Variants in DLGAP2 observed in about 807,000 individuals in gnomAD.
DLGAP2 encodes the protein disks large-associated protein 2.
A neutral mutation model predicts 100.3 loss-of-function variants in DLGAP2; 26 were observed. That is an observed-to-expected ratio of 0.26 (90% CI 0.19 to 0.36). The LOEUF (loss-of-function observed/expected upper bound fraction) is 0.36, where lower values mean the gene tolerates loss of function less well. Ranked by LOEUF, DLGAP2 falls within the 10% of genes least tolerant of loss-of-function variation. The probability of loss-of-function intolerance (pLI) is 1.00; values close to 1 mark genes in which losing one functional copy is unlikely to be tolerated. For missense variants in DLGAP2, 1,858 were observed against 1,453.2 expected (o/e 1.28, Z -4.53); for synonymous variants, 886 against 630.1 (o/e 1.41, Z -6.08).
chr8:778,943 G>A (rs943084590), intron 1 of DLGAP2, among the ~76,000 whole-genome samples: 8 of 152,192 alleles, frequency 5.3e-5, no homozygotes, highest in South Asian at 2.1e-4. Context: ...CCCCAGCCTC[G>A]CTGCCACCTT....
rs373765890 is a variant in DLGAP2, at chr8:1,646,509, C to T, written c.1810+13463C>T. 2.6e-5 allele frequency among the ~76,000 whole-genome samples: 4 copies of T among 152,234 alleles called. No individual in the cohort carries two copies. The East Asian group carries it at 7.7e-4, about 29-fold the overall frequency. ...TGAAAAGCCCCAACTAATATCATAC[C>T]CTTAAAGGGTATTTTTTCAGGTTCT... On this transcript the variant is annotated intron_variant, in intron 8 of 14. Transcript: ENST00000637795.
At chr8:786,132 T>A (rs1250981175) in intron 1 of DLGAP2, among the ~76,000 whole-genome samples, 2 of 152,178 alleles carry the variant, frequency 1.3e-5, no homozygotes, top group East Asian at 3.9e-4. Context: ...TTAGCTCAGC[T>A]GGGCCGGCGC....
At chr8:1,274,441 A>C in intron 3 of DLGAP2, among the ~76,000 whole-genome samples, 2 of 150,914 alleles carry the variant, frequency 1.3e-5, no homozygotes, top group Admixed American at 6.6e-5. Context: ...TAGAACATAA[A>C]CCATAAAATG....
intron 2 of DLGAP2, among the ~76,000 whole-genome samples, chr8:939,005 C>G (rs1344698027): frequency 1.3e-5 from 2 of 152,258 alleles, no homozygotes; most frequent in African/African-American, 4.8e-5. Flanking sequence ...TCCAGAGACG[C>G]AGCAGAGCAG....
intron 2 of DLGAP2, among the ~76,000 whole-genome samples, chr8:1,030,483 C>G (rs1279404951): frequency 1.3e-5 from 2 of 152,146 alleles, no homozygotes; most frequent in African/African-American, 4.8e-5. Context: ...CAAAGGTGCT[C>G]ACGGACTCGG....
intron 6 of DLGAP2, among the ~76,000 whole-genome samples, chr8:1,623,548 T>C (rs183925574): frequency 1.1e-3 from 163 of 146,556 alleles, no homozygotes; most frequent in Middle Eastern, 3.7e-3. Flanking sequence ...CACCAGTGCG[T>C]GATAACCTGG....
intron 2 of DLGAP2, among the ~76,000 whole-genome samples, chr8:1,123,649 GA>G (rs1796099903): frequency 6.6e-6 from 1 of 151,570 alleles, no homozygotes; most frequent in Non-Finnish European, 1.5e-5. Context: ...GGGAAAAAAA[GA>G]AATAGTTCTA....
intron 3 of DLGAP2, among the ~76,000 whole-genome samples, chr8:1,447,302 T>C (rs986828282): frequency 1.3e-5 from 2 of 152,376 alleles, no homozygotes. Flanking sequence ...ATGAAGGTTG[T>C]TGAATTTTGT....
chr8:1,624,106 G>A (rs762830176), intron 6 of DLGAP2, among the ~76,000 whole-genome samples: 15 of 152,200 alleles, frequency 9.9e-5, no homozygotes, highest in Non-Finnish European at 1.6e-4. Context: ...TCCAGAGGAC[G>A]AGAATCCTTC....
intron 2 of DLGAP2, among the ~76,000 whole-genome samples, chr8:1,051,069 T>A (rs1371999601): frequency 4.0e-5 from 6 of 149,080 alleles, no homozygotes; most frequent in African/African-American, 1.5e-4. Flanking sequence ...TGGGGGTCAT[T>A]TTGTGGTGGG....
chr8:1,113,642 A>G (rs558063982), intron 2 of DLGAP2, among the ~76,000 whole-genome samples: 2 of 152,154 alleles, frequency 1.3e-5, no homozygotes, highest in Non-Finnish European at 2.9e-5. Context: ...GTCATCTACA[A>G]ACAGGGGTAC....
intron 2 of DLGAP2, among the ~76,000 whole-genome samples, chr8:1,163,227 C>T (rs1213022793): frequency 6.6e-6 from 1 of 152,228 alleles, no homozygotes; most frequent in Non-Finnish European, 1.5e-5. Flanking sequence ...ACGATGGCAG[C>T]TGCGCCTCCT....
At chr8:1,425,384 A>G (rs1458775932) in intron 3 of DLGAP2, among the ~76,000 whole-genome samples, 2 of 152,208 alleles carry the variant, frequency 1.3e-5, no homozygotes, top group Non-Finnish European at 2.9e-5. Context: ...CCAGCCAGGT[A>G]CAACATTAGC....
chr8:1,685,842 C>T (rs1401097598), intron 12 of DLGAP2, among the ~76,000 whole-genome samples: 1 of 152,118 alleles, frequency 6.6e-6, no homozygotes, highest in Non-Finnish European at 1.5e-5. Context: ...CACCACTAAC[C>T]ATCAGGAAAA....
intron 2 of DLGAP2, among the ~76,000 whole-genome samples, chr8:976,085 G>C (rs1331359405): frequency 6.6e-6 from 1 of 152,064 alleles, no homozygotes; most frequent in African/African-American, 2.4e-5. Flanking sequence ...GAAGACACAA[G>C]ATAAAATTAA....
chr8:1,194,659 C>T (rs1005590820), intron 2 of DLGAP2, among the ~76,000 whole-genome samples: 3 of 152,182 alleles, frequency 2.0e-5, no homozygotes, highest in African/African-American at 7.2e-5. Context: ...GGGGCTGCTG[C>T]TTTGGGAAAC....
At chr8:809,788 T>C (rs1167887870) in intron 1 of DLGAP2, among the ~76,000 whole-genome samples, 1 of 152,182 alleles carries the variant, frequency 6.6e-6, no homozygotes, top group African/African-American at 2.4e-5. Flanking sequence ...GCTGCCATTC[T>C]CCCGGTGTCC....
chr8:1,314,655 G>T (rs1800687377), intron 3 of DLGAP2, among the ~76,000 whole-genome samples: 4 of 152,184 alleles, frequency 2.6e-5, no homozygotes, highest in Non-Finnish European at 1.5e-5. Context: ...CTGGTGTAAG[G>T]AGGGTCTGTC....
At chr8:1,607,581 G>A (rs189617305) in intron 6 of DLGAP2, among the ~76,000 whole-genome samples, 47 of 152,338 alleles carry the variant, frequency 3.1e-4, no homozygotes, top group East Asian at 2.1e-3. Flanking sequence ...ACTTCAGAGC[G>A]TGAGCGACGC....
Sources: allele counts gnomAD v4.1 joint callset (sites outside exome capture counted in the v4.1 genomes callset), GRCh38; gene constraint gnomAD v4.1.1; transcripts MANE v1.5; gene names NCBI Gene and HGNC (gene_info 2026-07-23, HGNC 2026-07-21).